LBH: variants seen among roughly 807,000 people sequenced by gnomAD.
LBH encodes LBH regulator of Wnt signaling pathway, also known as protein LBH.
A neutral mutation model predicts 12.5 loss-of-function variants in LBH; 7 were observed. That is an observed-to-expected ratio of 0.56 (90% CI 0.32 to 1.05). The LOEUF is 1.05. LBH is among the 50% of genes least tolerant of loss of function. The pLI, the probability that LBH is intolerant of heterozygous loss-of-function variation, is 0.04. For missense variants in LBH, 119 were observed against 138.9 expected (o/e 0.86, Z 0.72); for synonymous variants, 51 against 50.1 (o/e 1.02, Z -0.08).
chr2:30,256,789 G>C (rs549542226), intron 2 of LBH: 3 of 153,708 alleles, frequency 2.0e-5, no homozygotes, highest in Admixed American at 1.9e-4. Flanking sequence ...GCATCCGAAA[G>C]CACTGGGATT....
At chr2:30,234,795 T>C (rs1179446759) in intron 2 of LBH, among the ~76,000 whole-genome samples, 1 of 152,192 alleles carries the variant, frequency 6.6e-6, no homozygotes, top group African/African-American at 2.4e-5. Flanking sequence ...TTGTGATGAA[T>C]TGACCCTACT....
At chr2:30,239,260 C>T (rs867162451) in intron 2 of LBH, among the ~76,000 whole-genome samples, 3 of 152,186 alleles carry the variant, frequency 2.0e-5, no homozygotes, top group Non-Finnish European at 4.4e-5. Flanking sequence ...TTCACTCTGC[C>T]GGTTCCACCT....
At chr2:30,246,317 C>T (rs888988361) in intron 2 of LBH, among the ~76,000 whole-genome samples, 35 of 152,270 alleles carry the variant, frequency 2.3e-4, no homozygotes, top group African/African-American at 8.4e-4. Context: ...CTTTTGGTCT[C>T]GGTCCCTTTC....
Position 30,257,665 on chromosome 2 carries a change from C to A in LBH, c.*44C>A. ...TGGGTCATACCAGCCAGCATCTGTT[C>A]CTGAACTGTGTTTTTCCCATCATGA... On this transcript the variant is annotated 3_prime_UTR_variant, in exon 3 of 3. Transcript: ENST00000395323. 2.1e-6 allele frequency: 3 copies of A among 1,420,720 alleles called. No individual in the cohort carries two copies. Among genetic ancestry groups the A allele is most frequent in the South Asian group, 1.3e-5 (1 of 74,372 alleles). The allele number at this position is 1,420,720 out of a possible 1,614,324, so 88.0% of individuals were successfully genotyped here. A position where few individuals can be genotyped will look rare whatever the true frequency, so the allele number is the denominator to read the frequency against.
chr2:30,231,754 C>T lies in LBH; in HGVS notation c.16C>T (p.Pro6Ser), dbSNP rs778621879. Residue 6 changes from proline (P) to serine (S), a missense_variant, in exon 1 of 3, where the codon CCC (proline) becomes TCC (serine). Transcript: ENST00000395323. The part of the protein sequence containing the change: MSIYF[P>S]IHCPDYLRSA... Reference sequence around the variant, plus strand: ...CTAGGACTTCATGTCTATATATTTCCCCATTCACTGGTGAGTACCCTGCGC... The same window carrying T: ...CTAGGACTTCATGTCTATATATTTCTCCATTCACTGGTGAGTACCCTGCGC... 1 of 1,582,374 alleles carries T rather than the reference C, an allele frequency of 6.3e-7. No homozygotes were observed. Among genetic ancestry groups the T allele is most frequent in the South Asian group, 1.1e-5 (1 of 87,384 alleles).
At chr2:30,255,328 C>T (rs1489189551) in intron 2 of LBH, among the ~76,000 whole-genome samples, 1 of 152,144 alleles carries the variant, frequency 6.6e-6, no homozygotes, top group African/African-American at 2.4e-5. Flanking sequence ...CTGGGCACAG[C>T]GCCGTCTGAG....
chr2:30,253,922 G>GC lies in LBH; in HGVS notation c.130-3510dup, dbSNP rs565829397. On this transcript the variant is annotated intron_variant, in intron 2 of 2. Coordinates refer to ENST00000395323, the MANE Select transcript of LBH (RefSeq NM_030915.4). Reference sequence around the variant, plus strand: ...ACAATGGTGGTCAAGGACATAGTGAGCACCTGGGTTGTGTGGCTTAACCCA... The same window carrying GC: ...ACAATGGTGGTCAAGGACATAGTGAGCCACCTGGGTTGTGTGGCTTAACCCA... Among the ~76,000 whole-genome samples, 45 of 152,302 alleles carry GC rather than the reference G, an allele frequency of 3.0e-4. No homozygotes were observed. In the East Asian group the frequency reaches 8.1e-3, roughly 27 times the overall value.
At chr2:30,237,294 C>G (rs1162836919) in intron 2 of LBH, among the ~76,000 whole-genome samples, 1 of 152,222 alleles carries the variant, frequency 6.6e-6, no homozygotes. Flanking sequence ...AGAAAGTCAT[C>G]AAGTAAATGG....
chr2:30,243,703 C>G (rs528156447), intron 2 of LBH, among the ~76,000 whole-genome samples: 8 of 151,980 alleles, frequency 5.3e-5, no homozygotes, highest in African/African-American at 1.9e-4. Context: ...CTAGTTTTTG[C>G]ATTTTTAGTG....
intron 1 of LBH, 96 bp from the exon 2 acceptor site, chr2:30,234,309 C>A: frequency 1.0e-6 from 1 of 962,494 alleles, no homozygotes; most frequent in South Asian, 1.4e-5. Flanking sequence ...TTCCTGTCTC[C>A]AGACAGTCCC....
At chr2:30,256,188 C>T (rs1012765120) in intron 2 of LBH, among the ~76,000 whole-genome samples, 3 of 152,172 alleles carry the variant, frequency 2.0e-5, no homozygotes, top group African/African-American at 4.8e-5. Context: ...AAAGGGAATC[C>T]GCAGAGCCAG....
intron 2 of LBH, among the ~76,000 whole-genome samples, chr2:30,249,591 C>T (rs1239897771): frequency 4.6e-5 from 7 of 152,172 alleles, no homozygotes; most frequent in East Asian, 1.9e-4. Flanking sequence ...TCCTAACCCA[C>T]GCCCTGGGGA....
intron 1 of LBH, chr2:30,232,244 G>T: frequency 3.4e-6 from 2 of 590,662 alleles, no homozygotes; most frequent in South Asian, 1.6e-5. Context: ...GGGGGGGTGG[G>T]GGGCGGGAAA....
intron 2 of LBH, among the ~76,000 whole-genome samples, chr2:30,237,515 C>T (rs1677710472): frequency 6.6e-6 from 1 of 152,084 alleles, no homozygotes; most frequent in Non-Finnish European, 1.5e-5. Flanking sequence ...ATCTTTGTAC[C>T]CTGCCCCCAC....
chr2:30,231,795 G>A, intron 1 of LBH, 31 bp downstream of exon 1: 2 of 1,544,738 alleles, frequency 1.3e-6, no homozygotes, highest in South Asian at 1.2e-5. Context: ...GCGGGCGTCT[G>A]TCTCGCGGCG....
chr2:30,235,569 C>G (rs373422279), intron 2 of LBH, among the ~76,000 whole-genome samples: 2 of 152,102 alleles, frequency 1.3e-5, no homozygotes, highest in African/African-American at 4.8e-5. Context: ...TCTGTCTAAC[C>G]CCAGAGCCTT....
At chr2:30,240,366 A>G (rs949385982) in intron 2 of LBH, among the ~76,000 whole-genome samples, 2 of 152,202 alleles carry the variant, frequency 1.3e-5, no homozygotes, top group African/African-American at 2.4e-5. Context: ...GACTGTAGCC[A>G]AGAGCTATTC....
At chr2:30,241,504 G>A (rs1372469541) in intron 2 of LBH, among the ~76,000 whole-genome samples, 3 of 137,346 alleles carry the variant, frequency 2.2e-5, no homozygotes, top group African/African-American at 5.4e-5. Context: ...TTGTTGCCCA[G>A]GCTGAAGTGC....
chr2:30,239,937 A>G (rs148776277), intron 2 of LBH, among the ~76,000 whole-genome samples: 44 of 152,276 alleles, frequency 2.9e-4, no homozygotes, highest in African/African-American at 7.9e-4. Context: ...TGGTCACAAC[A>G]GTGAGTCTGT....
Sources: allele counts gnomAD v4.1 joint callset (sites outside exome capture counted in the v4.1 genomes callset), GRCh38; gene constraint gnomAD v4.1.1; transcripts MANE v1.5; gene names NCBI Gene and HGNC (gene_info 2026-07-23, HGNC 2026-07-21).